Variants in CADPS2 observed in about 807,000 individuals in gnomAD.
The protein encoded by CADPS2 is calcium-dependent secretion activator 2.
CADPS2 carries 93 observed loss-of-function variants against 172.5 expected under a neutral mutation model. The observed-to-expected ratio is 0.54, with a 90% CI of 0.46 to 0.64. The LOEUF (loss-of-function observed/expected upper bound fraction) is 0.64. CADPS2 is among the 30% of genes least tolerant of loss of function. The pLI is 0.00. For missense variants in CADPS2, 1,420 were observed against 1,565.9 expected (o/e 0.91, Z 1.57); for synonymous variants, 546 against 555.2 (o/e 0.98, Z 0.23).
intron 7 of CADPS2, among the ~76,000 whole-genome samples, chr7:122,580,584 C>T (rs956754088): frequency 3.3e-5 from 5 of 152,036 alleles, no homozygotes; most frequent in African/African-American, 1.2e-4. Context: ...AATGTTAATG[C>T]TTTTACTGAC....
At chr7:122,783,633 G>C (rs1270398305) in intron 1 of CADPS2, among the ~76,000 whole-genome samples, 4 of 152,192 alleles carry the variant, frequency 2.6e-5, no homozygotes. Context: ...GTAAACAGTT[G>C]CTACCACGGC....
intron 6 of CADPS2, among the ~76,000 whole-genome samples, chr7:122,584,237 C>A (rs980509118): frequency 2.0e-5 from 3 of 151,856 alleles, no homozygotes; most frequent in Non-Finnish European, 4.4e-5. Flanking sequence ...CCTGATATTT[C>A]TGTATGGGAA....
At chr7:122,819,107 C>T (rs1483440547) in intron 1 of CADPS2, among the ~76,000 whole-genome samples, 3 of 152,204 alleles carry the variant, frequency 2.0e-5, no homozygotes, top group African/African-American at 4.8e-5. Flanking sequence ...ACCCCAGCCA[C>T]ATCTCCAGCA....
At chr7:122,795,147 TA>T (rs375904629) in intron 1 of CADPS2, among the ~76,000 whole-genome samples, 188 of 144,246 alleles carry the variant, frequency 1.3e-3, no homozygotes, top group African/African-American at 3.5e-3. Flanking sequence ...GATTGAGACA[TA>T]AAAAAAAAAA....
chr7:122,646,390 T>C (rs2078559670), intron 3 of CADPS2, among the ~76,000 whole-genome samples: 1 of 152,066 alleles, frequency 6.6e-6, no homozygotes, highest in Admixed American at 6.6e-5. Context: ...TTTTGGGTTA[T>C]AATGGGGAAA....
chr7:122,877,379 A>AGTATTT (rs1396081818), intron 1 of CADPS2, among the ~76,000 whole-genome samples: 3 of 152,236 alleles, frequency 2.0e-5, no homozygotes, highest in Non-Finnish European at 4.4e-5. Flanking sequence ...TTTGGCAACA[A>AGTATTT]GTACAAATAC....
intron 1 of CADPS2, among the ~76,000 whole-genome samples, chr7:122,868,011 G>C (rs78449978): frequency 3.9e-5 from 6 of 152,198 alleles, no homozygotes; most frequent in African/African-American, 1.4e-4. Flanking sequence ...CTTCCTGCTA[G>C]AAGGGTGTGA....
At chr7:122,426,485 T>C (rs1415780427) in intron 17 of CADPS2, among the ~76,000 whole-genome samples, 1 of 152,200 alleles carries the variant, frequency 6.6e-6, no homozygotes, top group Non-Finnish European at 1.5e-5. Flanking sequence ...AATTAGGCCT[T>C]TTAATTTATT....
chr7:122,585,699 T>C (rs1311331743), intron 6 of CADPS2: 1 of 151,998 alleles, frequency 6.6e-6, no homozygotes, highest in African/African-American at 2.4e-5. Flanking sequence ...GAATGTATTA[T>C]TTATGAGGAT....
At chr7:122,694,794 A>G (rs1032676792) in intron 2 of CADPS2, among the ~76,000 whole-genome samples, 1 of 152,208 alleles carries the variant, frequency 6.6e-6, no homozygotes, top group Non-Finnish European at 1.5e-5. Context: ...AAAAAACCAA[A>G]TTTGTTTTTA....
chr7:122,878,152 C>CG (rs1244130506), intron 1 of CADPS2, among the ~76,000 whole-genome samples: 18 of 149,020 alleles, frequency 1.2e-4, no homozygotes, highest in Middle Eastern at 7.0e-3. Flanking sequence ...GCTAGCTACT[C>CG]GGGGGGCTGA....
intron 2 of CADPS2, among the ~76,000 whole-genome samples, chr7:122,705,657 TCTCA>T (rs1239416673): frequency 1.1e-5 from 1 of 91,466 alleles, no homozygotes; most frequent in East Asian, 2.6e-4. Context: ...ATATAATATA[TCTCA>T]TATATAATAT....
At chr7:122,658,252 G>C (rs1484540353) in intron 3 of CADPS2, among the ~76,000 whole-genome samples, 1 of 152,186 alleles carries the variant, frequency 6.6e-6, no homozygotes, top group African/African-American at 2.4e-5. Context: ...AGGTGCTGGA[G>C]AGGATGTGGA....
intron 1 of CADPS2, among the ~76,000 whole-genome samples, chr7:122,839,306 G>T (rs925349051): frequency 1.3e-5 from 2 of 152,008 alleles, no homozygotes; most frequent in African/African-American, 4.8e-5. Context: ...TTAAATGTTA[G>T]ACCTAAAACC....
rs753338630 is a variant in CADPS2, at chr7:122,663,473, G to A, written c.550C>T (p.Arg184Cys). The A allele has an allele frequency of 5.6e-6, 9 of 1,613,504 alleles. No homozygotes were observed. The highest frequency in any genetic ancestry group is 3.3e-5 in the Admixed American group (2 of 59,938). The change falls in exon 3 of 30, where the codon CGT becomes TGT. Residue 184 changes from arginine (R) to cysteine (C), a missense_variant. Physicochemically the swap from Arg to Cys is radical, Grantham distance 180 (BLOSUM62 -3). Coordinates refer to ENST00000449022, the MANE Select transcript of CADPS2 (RefSeq NM_017954.11). ...TCTATTTCTGGCAAACTCCGCACAC[G>A]TTTTTCTATGTTTTTCTTAAATACT... ...REVFKKNIEK[R>C]VRSLPEIDGL...
At position 122,323,873 on chromosome 7, in the gene CADPS2, TTATATATATA is replaced by T. The variant is rs71159788; in HGVS notation, c.3717+1594_3717+1603del. On this transcript the variant is annotated intron_variant, in intron 29 of 29. Transcript: ENST00000449022. ...TGCATATTATATACATATGTATATT[TTATATATATA>T]TATATATATATATATATATATATAT... is the stretch of plus-strand genomic sequence containing the variant. 2.2e-3 allele frequency among the ~76,000 whole-genome samples: 248 copies of T among 112,434 alleles called. 1 individual carries two copies. Among genetic ancestry groups the T allele is most frequent in the African/African-American group, 7.3e-3 (181 of 24,838 alleles). The allele number at this position is 112,434 out of a possible 152,430, so 73.8% of individuals were successfully genotyped here.
At chr7:122,447,166 T>G (rs2052364779) in intron 15 of CADPS2, among the ~76,000 whole-genome samples, 1 of 151,984 alleles carries the variant, frequency 6.6e-6, no homozygotes, top group Non-Finnish European at 1.5e-5. Flanking sequence ...ATTACATTAG[T>G]TATGAGAATG....
At chr7:122,404,897 G>T (rs1051339689) in intron 20 of CADPS2, among the ~76,000 whole-genome samples, 6 of 151,660 alleles carry the variant, frequency 4.0e-5, no homozygotes, top group Admixed American at 2.0e-4. Flanking sequence ...AGGCCGAGGT[G>T]GGGGGATCAG....
intron 14 of CADPS2, among the ~76,000 whole-genome samples, chr7:122,452,608 C>T (rs1299764857): frequency 6.6e-6 from 1 of 152,126 alleles, no homozygotes; most frequent in East Asian, 1.9e-4. Flanking sequence ...GTTGTTCAGG[C>T]TGGTCTGGAA....
Sources: gnomAD v4.1 joint callset for allele counts (sites outside exome capture counted in the v4.1 genomes callset) on GRCh38, gnomAD v4.1.1 for gene constraint, MANE v1.5 for transcripts, NCBI Gene and HGNC (gene_info 2026-07-23, HGNC 2026-07-21) for gene names.